The following STPG4 variants were observed in gnomAD, a reference collection of about 807,000 sequenced individuals.
The protein encoded by STPG4 is protein STPG4.
A neutral mutation model predicts 31.5 loss-of-function variants in STPG4; 41 were observed. That is an observed-to-expected ratio of 1.30 (90% CI 1.01 to 1.69). The LOEUF (loss-of-function observed/expected upper bound fraction) is 1.69. Ranked by LOEUF, STPG4 falls within the 40% of genes most tolerant of loss-of-function variation. STPG4 has a pLI of 0.00. For synonymous variants in STPG4, 141 were observed against 103.0 expected (o/e 1.37, Z -2.24); for missense variants, 375 against 293.4 (o/e 1.28, Z -2.03).
intron 3 of STPG4, among the ~76,000 whole-genome samples, chr2:47,141,187 A>G (rs1454024515): frequency 2.0e-5 from 3 of 151,988 alleles, no homozygotes; most frequent in Non-Finnish European, 4.4e-5. Flanking sequence ...GCTCCCAGCC[A>G]TTTCCAGGTC....
At chr2:47,089,474 C>A (rs1359257742) in intron 6 of STPG4, among the ~76,000 whole-genome samples, 1 of 152,206 alleles carries the variant, frequency 6.6e-6, no homozygotes, top group Non-Finnish European at 1.5e-5. Context: ...ACCGCTCCAA[C>A]TTCTCCTTCT....
chr2:47,114,901 G>A (rs1041689667), intron 5 of STPG4, among the ~76,000 whole-genome samples: 4 of 152,062 alleles, frequency 2.6e-5, no homozygotes, highest in Non-Finnish European at 5.9e-5. Flanking sequence ...CTAAGTAGCT[G>A]GGACTACAGG....
intron 5 of STPG4, among the ~76,000 whole-genome samples, chr2:47,113,696 C>T (rs111522577): frequency 0.071 from 10,805 of 152,186 alleles, 1,296 homozygotes; most frequent in African/African-American, 0.24. Flanking sequence ...ACAACCTGTA[C>T]ATAATCTTTA....
intron 3 of STPG4, among the ~76,000 whole-genome samples, chr2:47,137,411 T>C (rs1363681892): frequency 6.6e-6 from 1 of 152,220 alleles, no homozygotes; most frequent in East Asian, 1.9e-4. Flanking sequence ...TACAACTATG[T>C]TCATGAGACA....
At chr2:47,123,625 G>C (rs1686314692) in intron 5 of STPG4, among the ~76,000 whole-genome samples, 2 of 152,090 alleles carry the variant, frequency 1.3e-5, no homozygotes, top group African/African-American at 2.4e-5. Flanking sequence ...GAAAGTAAAG[G>C]AGCCGAACAT....
intron 5 of STPG4, among the ~76,000 whole-genome samples, chr2:47,107,723 G>C (rs1039991184): frequency 6.6e-6 from 1 of 152,186 alleles, no homozygotes; most frequent in Non-Finnish European, 1.5e-5. Context: ...GGATCCACTG[G>C]GTGAAGCCAG....
chr2:47,141,012 G>T (rs111702027), intron 3 of STPG4, among the ~76,000 whole-genome samples: 10 of 151,550 alleles, frequency 6.6e-5, no homozygotes, highest in African/African-American at 2.4e-4. Flanking sequence ...TTAGCCTCCC[G>T]AGTAGCTGTG....
At chr2:47,145,649 G>T (rs1018457835) in intron 3 of STPG4, among the ~76,000 whole-genome samples, 1 of 152,100 alleles carries the variant, frequency 6.6e-6, no homozygotes, top group African/African-American at 2.4e-5. Context: ...AATGAGTAAG[G>T]CCCAGTCAGA....
chr2:47,141,981 G>C lies in STPG4; in HGVS notation c.399+9277C>G, dbSNP rs544702795. ...ATTACTGCTGCAGTGTGGCTGGTCA[G>C]CCCTTCTGTGGGCACAAACTTTGGT... is the stretch of plus-strand genomic sequence containing the variant. On this transcript the variant is annotated intron_variant, in intron 3 of 6. Coordinates refer to ENST00000445927, the MANE Select transcript of STPG4 (RefSeq NM_001163561.2). Among the ~76,000 whole-genome samples the C allele has an allele frequency of 3.4e-5, 5 of 148,654 alleles. No individual in the cohort carries two copies. In the East Asian group the frequency reaches 7.9e-4, roughly 24 times the overall value.
At chr2:47,103,023 C>G (rs1167371390) in intron 5 of STPG4, among the ~76,000 whole-genome samples, 1 of 151,842 alleles carries the variant, frequency 6.6e-6, no homozygotes, top group African/African-American at 2.4e-5. Flanking sequence ...TTTGGAGATA[C>G]CTGGTATCTT....
chr2:47,144,707 A>G (rs115381973), intron 3 of STPG4, among the ~76,000 whole-genome samples: 2,505 of 145,570 alleles, frequency 0.017, 68 homozygotes, highest in African/African-American at 0.061. Context: ...ATAAAATATT[A>G]AAAAAAAACA....
chr2:47,089,095 C>G (rs1685517278), intron 6 of STPG4, among the ~76,000 whole-genome samples: 1 of 152,224 alleles, frequency 6.6e-6, no homozygotes, highest in South Asian at 2.1e-4. Context: ...ATCAGTGCTC[C>G]AGTCACCACG....
chr2:47,129,294 C>A (rs1345649357), intron 5 of STPG4: 1 of 152,346 alleles, frequency 6.6e-6, no homozygotes, highest in African/African-American at 2.4e-5. Context: ...CAGCTGGTGT[C>A]TCACTAGGTC....
At chr2:47,142,118 A>G (rs893306635) in intron 3 of STPG4, among the ~76,000 whole-genome samples, 1 of 151,818 alleles carries the variant, frequency 6.6e-6, no homozygotes, top group Non-Finnish European at 1.5e-5. Flanking sequence ...TCACAGCTAT[A>G]AACACAGCTA....
intron 5 of STPG4, among the ~76,000 whole-genome samples, chr2:47,106,728 T>C (rs1483908127): frequency 1.3e-5 from 2 of 151,992 alleles, no homozygotes; most frequent in African/African-American, 4.8e-5. Context: ...GCCTTTCAAA[T>C]TCTTATGCCA....
chr2:47,096,068 T>C (rs904161143), intron 5 of STPG4, among the ~76,000 whole-genome samples: 1 of 152,210 alleles, frequency 6.6e-6, no homozygotes, highest in African/African-American at 2.4e-5. Context: ...TCAATTCCTA[T>C]CTTGCTTATA....
intron 5 of STPG4, among the ~76,000 whole-genome samples, chr2:47,100,962 C>T (rs760113461): frequency 6.6e-6 from 1 of 151,850 alleles, no homozygotes; most frequent in Non-Finnish European, 1.5e-5. Flanking sequence ...GACCAAGAAC[C>T]CACCAATTCT....
At chr2:47,125,227 C>T (rs528663082) in intron 5 of STPG4, among the ~76,000 whole-genome samples, 53 of 152,068 alleles carry the variant, frequency 3.5e-4, no homozygotes, top group Non-Finnish European at 6.5e-4. Context: ...TCAAGACCAG[C>T]CTGGGCAACA....
intron 3 of STPG4, among the ~76,000 whole-genome samples, chr2:47,137,423 A>C (rs976689140): frequency 1.3e-5 from 2 of 152,154 alleles, no homozygotes; most frequent in East Asian, 3.8e-4. Flanking sequence ...CATGAGACAT[A>C]TTGGTCTGTA....
Sources: allele counts gnomAD v4.1 joint callset (sites outside exome capture counted in the v4.1 genomes callset), GRCh38; gene constraint gnomAD v4.1.1; transcripts MANE v1.5; gene names NCBI Gene and HGNC (gene_info 2026-07-23, HGNC 2026-07-21).